The following TENM3 variants were observed in gnomAD, a reference collection of about 807,000 sequenced individuals.
The protein encoded by TENM3 is teneurin transmembrane protein 3.
Under a neutral mutation model 255.1 loss-of-function variants are expected in TENM3, and 63 were observed. The ratio of observed to expected loss-of-function variants is 0.25; its 90% CI spans 0.20 to 0.30. The LOEUF is 0.30. Ranked by LOEUF, TENM3 falls within the 10% of genes least tolerant of loss-of-function variation. The pLI, the probability that TENM3 is intolerant of heterozygous loss-of-function variation, is 1.00. For synonymous variants in TENM3, 1,306 were observed against 1,322.3 expected (o/e 0.99, Z 0.27); for missense variants, 2,929 against 3,461.1 (o/e 0.85, Z 3.86).
chr4:181,560,972 C>T, the TENM3 span, among the ~76,000 whole-genome samples: 3 of 151,920 alleles, frequency 2.0e-5, no homozygotes, highest in Non-Finnish European at 4.4e-5. Context: ...TATTTTTTTT[C>T]TTAAGGCAGA....
At chr4:181,456,546 T>C in the TENM3 span, among the ~76,000 whole-genome samples, 44 of 152,072 alleles carry the variant, frequency 2.9e-4, no homozygotes, top group African/African-American at 9.2e-4. Flanking sequence ...CTAGTATCTC[T>C]ATATCAACTC....
intron 1 of TENM3, among the ~76,000 whole-genome samples, chr4:182,232,851 A>G (rs1756669561): frequency 6.6e-6 from 1 of 152,196 alleles, no homozygotes; most frequent in Non-Finnish European, 1.5e-5. Flanking sequence ...TGGCATGGAT[A>G]TGCTGGACAA....
At chr4:182,404,337 T>G (rs1410193025) in intron 3 of TENM3, among the ~76,000 whole-genome samples, 1 of 152,290 alleles carries the variant, frequency 6.6e-6, no homozygotes, top group South Asian at 2.1e-4. Flanking sequence ...AAATATTATT[T>G]TGGAATATGA....
chr4:182,354,499 C>T (rs143557348), intron 3 of TENM3, among the ~76,000 whole-genome samples: 17 of 152,256 alleles, frequency 1.1e-4, no homozygotes, highest in African/African-American at 4.1e-4. Flanking sequence ...ATTCCGTGAG[C>T]ACTCAAGTGT....
intron 1 of TENM3, among the ~76,000 whole-genome samples, chr4:182,317,324 G>A (rs1354048512): frequency 6.6e-6 from 1 of 152,066 alleles, no homozygotes; most frequent in African/African-American, 2.4e-5. Flanking sequence ...TTTCGAGACA[G>A]GGTCTTACTC....
the TENM3 span, among the ~76,000 whole-genome samples, chr4:181,867,811 TGAGA>T: frequency 6.6e-6 from 1 of 152,110 alleles, no homozygotes; most frequent in Non-Finnish European, 1.5e-5. Flanking sequence ...GCCGCAAAAT[TGAGA>T]GAGAACACAC....
chr4:182,332,090 C>T (rs1217967014), intron 2 of TENM3, among the ~76,000 whole-genome samples: 1 of 151,822 alleles, frequency 6.6e-6, no homozygotes, highest in African/African-American at 2.4e-5. Flanking sequence ...TGTATTTGGC[C>T]ATCTAAAGAA....
the TENM3 span, among the ~76,000 whole-genome samples, chr4:181,995,411 G>GA: frequency 6.6e-6 from 1 of 152,134 alleles, no homozygotes; most frequent in Non-Finnish European, 1.5e-5. Flanking sequence ...GTGAGTGCTG[G>GA]AAAAATAGAA....
chr4:181,656,796 A>T, the TENM3 span, among the ~76,000 whole-genome samples: 2 of 152,204 alleles, frequency 1.3e-5, no homozygotes, highest in South Asian at 4.1e-4. Flanking sequence ...AAACATCTCA[A>T]GGAAGCCAAG....
the TENM3 span, among the ~76,000 whole-genome samples, chr4:182,077,085 C>T: frequency 0.12 from 17,633 of 152,188 alleles, 1,275 homozygotes; most frequent in Admixed American, 0.18. Context: ...TCTTCAAGTA[C>T]TTGGTATCCA....
chr4:182,107,151 T>TAC, the TENM3 span, among the ~76,000 whole-genome samples: 2,902 of 146,040 alleles, frequency 0.02, 42 homozygotes, highest in African/African-American at 0.028. Context: ...AAACAGAACA[T>TAC]ACACACACAC....
the TENM3 span, among the ~76,000 whole-genome samples, chr4:181,538,670 C>T: frequency 3.6e-3 from 541 of 152,186 alleles, no homozygotes; most frequent in Middle Eastern, 0.014. Flanking sequence ...GACCAGCACA[C>T]GGAGTATGCC....
chr4:182,400,083 T>C (rs983900236), intron 3 of TENM3, among the ~76,000 whole-genome samples: 2 of 152,216 alleles, frequency 1.3e-5, no homozygotes, highest in African/African-American at 4.8e-5. Context: ...TTTGTTATAC[T>C]TCAGAGACCT....
chr4:182,160,924 T>G (rs1579547982), intron 1 of TENM3, among the ~76,000 whole-genome samples: 1 of 152,166 alleles, frequency 6.6e-6, no homozygotes, highest in East Asian at 1.9e-4. Context: ...GATTGAGAAA[T>G]TACATTGTAC....
At chr4:181,626,789 C>T in the TENM3 span, among the ~76,000 whole-genome samples, 2 of 152,012 alleles carry the variant, frequency 1.3e-5, no homozygotes, top group African/African-American at 2.4e-5. Context: ...GCCATTCAAA[C>T]GGGTTTGGAT....
chr4:181,960,104 A>G, the TENM3 span, among the ~76,000 whole-genome samples: 2 of 152,366 alleles, frequency 1.3e-5, no homozygotes, highest in South Asian at 4.1e-4. Flanking sequence ...ATTTGGATTT[A>G]TCATTGACAT....
chr4:181,893,844 T>G, the TENM3 span, among the ~76,000 whole-genome samples: 1 of 152,184 alleles, frequency 6.6e-6, no homozygotes. Flanking sequence ...TACCAAAGCC[T>G]TTGAAATAAT....
At chr4:182,154,191 T>C (rs1310001991) in intron 1 of TENM3, among the ~76,000 whole-genome samples, 1 of 152,062 alleles carries the variant, frequency 6.6e-6, no homozygotes, top group Non-Finnish European at 1.5e-5. Flanking sequence ...GATGAGGTTC[T>C]GGTTCTTTTA....
At chr4:182,423,517 G>A (rs1015240521) in intron 3 of TENM3, among the ~76,000 whole-genome samples, 3 of 152,018 alleles carry the variant, frequency 2.0e-5, no homozygotes, top group African/African-American at 7.2e-5. Context: ...TAAAAATGGA[G>A]TCAACAAAGC....
Sources: allele counts gnomAD v4.1 joint callset (sites outside exome capture counted in the v4.1 genomes callset), GRCh38; gene constraint gnomAD v4.1.1; transcripts MANE v1.5; gene names NCBI Gene and HGNC (gene_info 2026-07-23, HGNC 2026-07-21).